The following BTBD3 variants were observed in gnomAD, a reference collection of about 807,000 sequenced individuals.
The protein encoded by BTBD3 is BTB domain containing 3, also known as BTB/POZ domain-containing protein 3.
A neutral mutation model predicts 41.6 loss-of-function variants in BTBD3; 14 were observed. The observed-to-expected ratio is 0.34, with a 90% CI of 0.22 to 0.53. BTBD3 has a LOEUF of 0.53. BTBD3 is among the 20% of genes least tolerant of loss of function. The probability of loss-of-function intolerance (pLI) is 0.95; values close to 1 mark genes in which losing one functional copy is unlikely to be tolerated. For synonymous variants in BTBD3, 249 were observed against 233.7 expected (o/e 1.07, Z -0.60); for missense variants, 426 against 654.7 (o/e 0.65, Z 3.81).
At chr20:11,911,579 A>G (rs542165856) in intron 1 of BTBD3, among the ~76,000 whole-genome samples, 10 of 147,438 alleles carry the variant, frequency 6.8e-5, no homozygotes, top group Admixed American at 6.6e-4. Flanking sequence ...AAAATTGCAG[A>G]AAAAAAAAAT....
At chr20:11,909,414 G>A (rs919105892) in intron 1 of BTBD3, 2 of 152,002 alleles carry the variant, frequency 1.3e-5, no homozygotes, top group African/African-American at 4.8e-5. Context: ...TTTTTTGTTA[G>A]GGAATATTAT....
intron 1 of BTBD3, chr20:11,892,636 A>G (rs912187137): frequency 1.3e-5 from 2 of 152,210 alleles, no homozygotes; most frequent in South Asian, 2.1e-4. Flanking sequence ...ACTAGCAGCC[A>G]TGTTCTTTCT....
At chr20:11,915,241 C>A (rs1177618138), upstream of BTBD3, among the ~76,000 whole-genome samples, 1 of 152,152 alleles carries the variant, frequency 6.6e-6, no homozygotes, top group Non-Finnish European at 1.5e-5. Flanking sequence ...CGCTTCCTTT[C>A]CAGAGAATAT....
chr20:11,914,344 T>A (rs1292537465), upstream of BTBD3, among the ~76,000 whole-genome samples: 1 of 152,198 alleles, frequency 6.6e-6, no homozygotes, highest in Non-Finnish European at 1.5e-5. Flanking sequence ...TTTTGTATAT[T>A]CAAATCAATC....
chr20:11,915,839 C>G (rs773652746), upstream of BTBD3, among the ~76,000 whole-genome samples: 1 of 152,166 alleles, frequency 6.6e-6, no homozygotes, highest in Non-Finnish European at 1.5e-5. Context: ...TAACTGATAT[C>G]TGTAATTTTA....
chr20:11,912,556 G>C (rs1182623480), intron 1 of BTBD3, among the ~76,000 whole-genome samples: 1 of 152,210 alleles, frequency 6.6e-6, no homozygotes, highest in African/African-American at 2.4e-5. Context: ...GTCAGTAGCT[G>C]TGCAGTCTGA....
chr20:11,909,765 G>GCAAAACAAAA (rs534646614), intron 1 of BTBD3: 1 of 152,130 alleles, frequency 6.6e-6, no homozygotes, highest in African/African-American at 2.4e-5. Context: ...ATGTGGTTTT[G>GCAAAACAAAA]CAAAACAAAA....
intron 1 of BTBD3, among the ~76,000 whole-genome samples, chr20:11,904,727 CAG>C (rs1293350484): frequency 6.6e-6 from 1 of 152,046 alleles, no homozygotes; most frequent in Non-Finnish European, 1.5e-5. Flanking sequence ...TGGCCTCAAA[CAG>C]ATGTATAGCT....
intron 1 of BTBD3, among the ~76,000 whole-genome samples, chr20:11,895,190 CTG>C (rs754643691): frequency 2.0e-5 from 3 of 152,134 alleles, no homozygotes; most frequent in Non-Finnish European, 2.9e-5. Context: ...TCTTGCTTCT[CTG>C]TGTGTTGATC....
At chr20:11,891,210 C>T (rs562504756) in intron 1 of BTBD3, 350 of 153,238 alleles carry the variant, frequency 2.3e-3, no homozygotes, top group Middle Eastern at 0.021. Context: ...CGCGTCGGGC[C>T]CGCGCGGAGG....
At chr20:11,896,351 A>G (rs2056787149) in intron 1 of BTBD3, among the ~76,000 whole-genome samples, 1 of 152,174 alleles carries the variant, frequency 6.6e-6, no homozygotes, top group African/African-American at 2.4e-5. Flanking sequence ...TATAGCTGGC[A>G]CTTATGCGAA....
chr20:11,907,531 G>T (rs2056862569), intron 1 of BTBD3, among the ~76,000 whole-genome samples: 1 of 152,206 alleles, frequency 6.6e-6, no homozygotes, highest in African/African-American at 2.4e-5. Context: ...GCATGGCACT[G>T]TTGCAGATAT....
upstream of BTBD3, among the ~76,000 whole-genome samples, chr20:11,914,472 A>G (rs1030505690): frequency 1.3e-5 from 2 of 152,148 alleles, no homozygotes; most frequent in African/African-American, 2.4e-5. Flanking sequence ...CATACTGCCA[A>G]TTTCACCGAC....
chr20:11,910,536 G>T (rs1264395212), intron 1 of BTBD3: 1 of 151,406 alleles, frequency 6.6e-6, no homozygotes, highest in Non-Finnish European at 1.5e-5. Flanking sequence ...TATATATTGG[G>T]ATCATTGTAT....
rs923533556 is a variant in BTBD3, at chr20:11,924,770, A to G, written c.*1104A>G. ...TTGATTGTATACTATATTCTTTGTT[A>G]ATTTTAATTTTGTCCTGTTCCTAGA... On this transcript the variant is annotated 3_prime_UTR_variant, in exon 4 of 4. Coordinates refer to ENST00000378226, the MANE Select transcript of BTBD3 (RefSeq NM_014962.4). 6.6e-6 allele frequency: 1 copy of G among 152,610 alleles called. No individual in the cohort carries two copies. Among genetic ancestry groups the G allele is most frequent in the African/African-American group, 2.4e-5 (1 of 41,444 alleles). The allele number at this position is 152,610 out of a possible 1,614,324, so 9.5% of individuals were successfully genotyped here. A position where few individuals can be genotyped will look rare whatever the true frequency, so the allele number is the denominator to read the frequency against.
chr20:11,918,268 C>G lies in BTBD3; in HGVS notation c.-8C>G. ...ATATCTAACTCTAAAGAGAGACACA[C>G]TGTACTCATGGTAGATGACAAGGAA... is the stretch of plus-strand genomic sequence containing the variant. On this transcript the variant is annotated 5_prime_UTR_variant, in exon 1 of 4. Transcript: ENST00000378226. 6.4e-7 allele frequency: 1 copy of G among 1,562,976 alleles called. No homozygotes were observed.
rs2294968 is a variant in BTBD3, at chr20:11,921,061, A to C, written c.536+1225A>C. The stretch of plus-strand genomic sequence containing the variant: ...AATCTTTTGGAGATATATGTACAGA[A>C]ACCAGTTTTACCTGCAAGTATCCCC... On this transcript the variant is annotated intron_variant, in intron 3 of 3. Transcript: ENST00000378226. Among the ~76,000 whole-genome samples, 206 of 152,340 alleles carry C rather than the reference A, an allele frequency of 1.4e-3. 5 individuals carry two copies. The East Asian group carries it at 0.034, about 25-fold the overall frequency.
Position 11,924,740 on chromosome 20 carries a change from C to G in BTBD3, c.*1074C>G, listed in dbSNP as rs2057004659. On this transcript the variant is annotated 3_prime_UTR_variant, in exon 4 of 4. Transcript: ENST00000378226. ...AAATTTGAAATATACTTTACCTGATCCACTTTGATTGTATACTATATTCTT... is the reference window on the plus strand; with the variant it reads ...AAATTTGAAATATACTTTACCTGATGCACTTTGATTGTATACTATATTCTT... The G allele has an allele frequency of 6.6e-6, 1 of 152,566 alleles. No homozygotes were observed. The highest frequency in any genetic ancestry group is 2.1e-4 in the South Asian group (1 of 4,830). 9.5% of individuals were successfully genotyped at this position (152,566 alleles called of 1,614,324 possible). A position where few individuals can be genotyped will look rare whatever the true frequency, so the allele number is the denominator to read the frequency against.
chr20:11,915,810 CA>C (rs1164473407), upstream of BTBD3, among the ~76,000 whole-genome samples: 2 of 152,158 alleles, frequency 1.3e-5, no homozygotes. Flanking sequence ...GAATTTTCTA[CA>C]AAACTTATTT....
Sources: gnomAD v4.1 joint callset for allele counts (sites outside exome capture counted in the v4.1 genomes callset) on GRCh38, gnomAD v4.1.1 for gene constraint, MANE v1.5 for transcripts, NCBI Gene and HGNC (gene_info 2026-07-23, HGNC 2026-07-21) for gene names.